PLCG1: variants seen among roughly 807,000 people sequenced by gnomAD.
The protein encoded by PLCG1 is 1-phosphatidylinositol 4,5-bisphosphate phosphodiesterase gamma-1.
A neutral mutation model predicts 177.8 loss-of-function variants in PLCG1; 71 were observed. That is an observed-to-expected ratio of 0.40 (90% CI 0.33 to 0.49). PLCG1 has a LOEUF of 0.49. Ranked by LOEUF, PLCG1 falls within the 20% of genes least tolerant of loss-of-function variation. The pLI, the probability that PLCG1 is intolerant of heterozygous loss-of-function variation, is 0.72. For synonymous variants in PLCG1, 658 were observed against 647.9 expected (o/e 1.02, Z -0.24); for missense variants, 1,281 against 1,709.0 (o/e 0.75, Z 4.42).
At position 41,163,498 on chromosome 20, in the gene PLCG1, C is replaced by T; in HGVS notation, c.891+19C>T. 6.4e-7 allele frequency: 1 copy of T among 1,567,732 alleles called. No individual in the cohort carries two copies. Among genetic ancestry groups the T allele is most frequent in the Non-Finnish European group, 8.8e-7 (1 of 1,140,324 alleles). On this transcript the variant is annotated intron_variant, in intron 9 of 31. Transcript: ENST00000685551. This position sits in a 1 kb window ranked among gnomAD's most constrained non-coding sequence, Gnocchi z 5.2. ...GGATGAGGTGAGCCCGATGTTTCAC[C>T]CATTTTTTGTCAAGAGAATGAGTAG...
Position 41,177,137 on chromosome 20 carries a change from G to A in PLCG1, c.*2628G>A, listed in dbSNP as rs2036086219. ...AAGTCAGTGGTACCAGAAGGTAGAT[G>A]GGCTCCCTTGCAGGCTCCTTGTTCT... On this transcript the variant is annotated 3_prime_UTR_variant, in exon 32 of 32. Transcript: ENST00000685551. The A allele has an allele frequency of 1.3e-5, 2 of 152,262 alleles. No individual in the cohort carries two copies. The allele number at this position is 152,262 out of a possible 1,614,324, so 9.4% of individuals were successfully genotyped here.
In PLCG1 at chr20:41,165,831, C is replaced by T. The variant is rs757228670; in HGVS notation, c.1799+5C>T. On this transcript the variant is annotated splice_donor_5th_base_variant and intron_variant, in intron 16 of 31. Transcript: ENST00000685551. This position sits in a 1 kb window ranked among gnomAD's most constrained non-coding sequence, Gnocchi z 6.6. ...CGACTACACGCTCTCTTTCTGGTAA[C>T]ACTTCCCATGCAGATGCGTATGTTC... 6.4e-7 allele frequency: 1 copy of T among 1,571,950 alleles called. No homozygotes were observed. The highest frequency in any genetic ancestry group is 1.2e-5 in the South Asian group (1 of 86,354).
rs2035365091 is a variant in PLCG1, at chr20:41,157,633, T to C, written c.218-1973T>C. 6.6e-6 allele frequency among the ~76,000 whole-genome samples: 1 copy of C among 152,108 alleles called. No homozygotes were observed. The highest frequency in any genetic ancestry group is 2.1e-4 in the South Asian group (1 of 4,822). ...GTGTTTGTATGCACGAGGCATCAAG[T>C]GTATTAGTACCACAGGAAGGAGCTT... On this transcript the variant is annotated intron_variant, in intron 1 of 31. Coordinates refer to ENST00000685551, the MANE Select transcript of PLCG1 (RefSeq NM_002660.3). This position sits in a 1 kb window ranked among gnomAD's most constrained non-coding sequence, Gnocchi z 5.4.
At chr20:41,169,330 T>C in intron 22 of PLCG1, 127 bp from the exon 23 acceptor site, 1 of 935,460 alleles carries the variant, frequency 1.1e-6, no homozygotes, top group South Asian at 1.4e-5. Flanking sequence ...TAGTCTCCCA[T>C]ATACCTGTGC....
intron 1 of PLCG1, among the ~76,000 whole-genome samples, chr20:41,158,049 C>CTGG (rs1169443522): frequency 6.6e-6 from 1 of 152,078 alleles, no homozygotes; most frequent in Non-Finnish European, 1.5e-5. Flanking sequence ...GGAGGACAGG[C>CTGG]TGGAGGGGTT....
Position 41,153,136 on chromosome 20 carries a change from T to C in PLCG1, c.218-6470T>C, listed in dbSNP as rs146117673. On this transcript the variant is annotated intron_variant, in intron 1 of 31. Coordinates refer to ENST00000685551, the MANE Select transcript of PLCG1 (RefSeq NM_002660.3). This position sits in a 1 kb window ranked among gnomAD's most constrained non-coding sequence, Gnocchi z 5.1. ...CTTCGCTTACCTCTTTCAAGCTCTT[T>C]AGATTTTAAAGAGACCTTTCATATT... Among the ~76,000 whole-genome samples, 1 of 152,322 alleles carries C rather than the reference T, an allele frequency of 6.6e-6. No individual in the cohort carries two copies. Among genetic ancestry groups the C allele is most frequent in the African/African-American group, 2.4e-5 (1 of 41,576 alleles).
chr20:41,166,355 C>T lies in PLCG1; in HGVS notation c.1961C>T (p.Ser654Leu). ...LRCNEFEMRLSEPVPQTNAHE... is the reference protein window; with the variant it reads ...LRCNEFEMRLLEPVPQTNAHE... ...TGTAATGAGTTTGAGATGCGACTTT[C>T]AGAGCCTGTCCCACAGACCAACGCC... Residue 654 changes from serine to leucine, a missense_variant, in exon 17 of 32, where the codon TCA (serine) becomes TTA (leucine). Coordinates refer to ENST00000685551, the MANE Select transcript of PLCG1 (RefSeq NM_002660.3). This position sits in a 1 kb window ranked among gnomAD's most constrained non-coding sequence, Gnocchi z 8.6. The T allele has an allele frequency of 1.2e-6, 2 of 1,614,162 alleles. No homozygotes were observed. Among genetic ancestry groups the T allele is most frequent in the South Asian group, 1.1e-5 (1 of 91,086 alleles).
rs1193848370 is a variant in PLCG1, at chr20:41,156,025, A to C, written c.218-3581A>C. Among the ~76,000 whole-genome samples, 5 of 152,190 alleles carry C rather than the reference A, an allele frequency of 3.3e-5. No homozygotes were observed. Among genetic ancestry groups the C allele is most frequent in the Admixed American group, 6.5e-5 (1 of 15,282 alleles). On this transcript the variant is annotated intron_variant, in intron 1 of 31. Coordinates refer to ENST00000685551, the MANE Select transcript of PLCG1 (RefSeq NM_002660.3). The surrounding 1 kb of genome is among the most constrained non-coding windows in gnomAD (Gnocchi z 5.0). ...CTCCATCAGGGCAGGGAGCAGAGCA[A>C]GGCCCCAGGATTCTGCCTGGGGCAC...
rs763832980 is a variant in PLCG1, at chr20:41,173,584, G to A, written c.3394+50G>A. 6.2e-7 allele frequency: 1 copy of A among 1,614,002 alleles called. No homozygotes were observed. Among genetic ancestry groups the A allele is most frequent in the Non-Finnish European group, 8.5e-7 (1 of 1,179,976 alleles). On this transcript the variant is annotated intron_variant, in intron 28 of 31. Coordinates refer to ENST00000685551, the MANE Select transcript of PLCG1 (RefSeq NM_002660.3). The surrounding 1 kb of genome is among the most constrained non-coding windows in gnomAD (Gnocchi z 6.2). ...TCCTCATCCTGCTGGGGCACTGCAA[G>A]CCTCTCCCCACCAGTCATCCCATCC...
Position 41,170,228 on chromosome 20 carries a change from G to C in PLCG1, c.2767G>C (p.Val923Leu). 6.2e-7 allele frequency: 1 copy of C among 1,614,112 alleles called. No homozygotes were observed. Among genetic ancestry groups the C allele is most frequent in the Non-Finnish European group, 8.5e-7 (1 of 1,180,002 alleles). ...CTCACAGGAGGAGCTGCAGGACTGG[G>C]TGAAAAAGATCCGTGAAGTGGCCCA... is the stretch of plus-strand genomic sequence containing the variant. ...ADSQEELQDW[V>L]KKIREVAQTA... Residue 923 changes from valine (V) to leucine (L), a missense_variant, in exon 24 of 32, where the codon GTG (valine) becomes CTG (leucine). Coordinates refer to ENST00000685551, the MANE Select transcript of PLCG1 (RefSeq NM_002660.3).
At position 41,146,455 on chromosome 20, in the gene PLCG1, G is replaced by A. The variant is rs748876624; in HGVS notation, c.217+8597G>A. ...TGTTGGGTAAAGCATCTGTACAAAGGCTGTGAGGGGCCTGGGCGCAAGGCA... is the reference window on the plus strand; with the variant it reads ...TGTTGGGTAAAGCATCTGTACAAAGACTGTGAGGGGCCTGGGCGCAAGGCA... On this transcript the variant is annotated intron_variant, in intron 1 of 31. Coordinates refer to ENST00000685551, the MANE Select transcript of PLCG1 (RefSeq NM_002660.3). This position sits in a 1 kb window ranked among gnomAD's most constrained non-coding sequence, Gnocchi z 6.3. 6.6e-6 allele frequency among the ~76,000 whole-genome samples: 1 copy of A among 152,212 alleles called. No individual in the cohort carries two copies. The highest frequency in any genetic ancestry group is 1.5e-5 in the Non-Finnish European group (1 of 68,038).
At chr20:41,158,422 T>C (rs1427531409) in intron 1 of PLCG1, among the ~76,000 whole-genome samples, 1 of 152,192 alleles carries the variant, frequency 6.6e-6, no homozygotes, top group Non-Finnish European at 1.5e-5. Context: ...TTTTTTCCTT[T>C]GACCTAATCT....
In PLCG1 at chr20:41,163,484, G is replaced by T; in HGVS notation, c.891+5G>T. 2 of 1,594,186 alleles carry T rather than the reference G, an allele frequency of 1.3e-6. No homozygotes were observed. Among genetic ancestry groups the T allele is most frequent in the East Asian group, 4.5e-5 (2 of 44,778 alleles). ...CCATACTTCTTCCTGGATGAGGTGA[G>T]CCCGATGTTTCACCCATTTTTTGTC... On this transcript the variant is annotated splice_donor_5th_base_variant and intron_variant, in intron 9 of 31. Transcript: ENST00000685551. The surrounding 1 kb of genome is among the most constrained non-coding windows in gnomAD (Gnocchi z 5.2).
Position 41,172,417 on chromosome 20 carries a change from CCAGAGATTGGCA to C in PLCG1, c.2907_2918del (p.Ile970_Glu973del). 6.2e-7 allele frequency: 1 copy of C among 1,613,534 alleles called. No homozygotes were observed. ...TCTGTAAGTGTTTTCCCTGTTTGGCCCAGAGATTGGCACAGAACGTGCTTGCTACCGGGACAT... is the reference window on the plus strand; with the variant it reads ...TCTGTAAGTGTTTTCCCTGTTTGGCCCAGAACGTGCTTGCTACCGGGACAT... On this transcript the variant is annotated splice_acceptor_variant and splice_polypyrimidine_tract_variant and coding_sequence_variant and intron_variant, in exon 26 of 32. Coordinates refer to ENST00000685551, the MANE Select transcript of PLCG1 (RefSeq NM_002660.3). LOFTEE classifies it high-confidence loss of function. The surrounding 1 kb of genome is among the most constrained non-coding windows in gnomAD (Gnocchi z 7.0).
At position 41,163,525 on chromosome 20, in the gene PLCG1, G is replaced by A. The variant is rs780535031; in HGVS notation, c.891+46G>A. ...ATTTTTTGTCAAGAGAATGAGTAGG[G>A]GTGACCAGGACCCCACCCGGGCTCC... is the stretch of plus-strand genomic sequence containing the variant. On this transcript the variant is annotated intron_variant, in intron 9 of 31. Coordinates refer to ENST00000685551, the MANE Select transcript of PLCG1 (RefSeq NM_002660.3). This position sits in a 1 kb window ranked among gnomAD's most constrained non-coding sequence, Gnocchi z 5.2. The A allele has an allele frequency of 5.0e-6, 7 of 1,408,308 alleles. No homozygotes were observed. The South Asian group carries it at 8.0e-5, about 16-fold the overall frequency. The allele number at this position is 1,408,308 out of a possible 1,614,324, so 87.2% of individuals were successfully genotyped here. A position where few individuals can be genotyped will look rare whatever the true frequency, so the allele number is the denominator to read the frequency against.
chr20:41,171,920 G>T (rs997260309), intron 24 of PLCG1, among the ~76,000 whole-genome samples: 59 of 152,218 alleles, frequency 3.9e-4, no homozygotes, highest in African/African-American at 1.4e-3. Context: ...GGGAACATGG[G>T]TGGTGATGAG....
rs2035584699 is a variant in PLCG1 at position 41,163,553 on chromosome 20, G to C, written c.891+74G>C. 1.7e-6 allele frequency: 2 copies of C among 1,198,076 alleles called. No individual in the cohort carries two copies. Among genetic ancestry groups the C allele is most frequent in the Non-Finnish European group, 2.5e-6 (2 of 806,620 alleles). 74.2% of individuals were successfully genotyped at this position (1,198,076 alleles called of 1,614,324 possible). On this transcript the variant is annotated intron_variant, in intron 9 of 31. Transcript: ENST00000685551. The surrounding 1 kb of genome is among the most constrained non-coding windows in gnomAD (Gnocchi z 5.2). ...GACCAGGACCCCACCCGGGCTCCAGGAGCTAGACGCTCCTTAGGGATGCCA... is the reference window on the plus strand; with the variant it reads ...GACCAGGACCCCACCCGGGCTCCAGCAGCTAGACGCTCCTTAGGGATGCCA...
chr20:41,160,250 C>G lies in PLCG1; in HGVS notation c.512+97C>G, dbSNP rs1427953847. The G allele has an allele frequency of 1.8e-6, 2 of 1,123,146 alleles. No homozygotes were observed. 69.6% of individuals were successfully genotyped at this position (1,123,146 alleles called of 1,614,324 possible). ...GTAGCTGCCCGGAGAGCCAGAGGAC[C>G]CAGGGGACCTTAAGTGGGGCCAGGA... is the stretch of plus-strand genomic sequence containing the variant. On this transcript the variant is annotated intron_variant, in intron 4 of 31. Coordinates refer to ENST00000685551, the MANE Select transcript of PLCG1 (RefSeq NM_002660.3). The surrounding 1 kb of genome is among the most constrained non-coding windows in gnomAD (Gnocchi z 5.5).
rs149572313 is a variant in PLCG1 at position 41,158,220 on chromosome 20, C to T, written c.218-1386C>T. Among the ~76,000 whole-genome samples the T allele has an allele frequency of 4.2e-3, 631 of 152,042 alleles. 7 individuals are homozygous for T. The highest frequency in any genetic ancestry group is 0.022 in the East Asian group (113 of 5,176). ...AAGAGAGCATCTGGGGGAGTTGGGCCGTTAGGACATTCCAGGCAGGTTGGT... is the reference window on the plus strand; with the variant it reads ...AAGAGAGCATCTGGGGGAGTTGGGCTGTTAGGACATTCCAGGCAGGTTGGT... On this transcript the variant is annotated intron_variant, in intron 1 of 31. Coordinates refer to ENST00000685551, the MANE Select transcript of PLCG1 (RefSeq NM_002660.3).
Sources: gnomAD v4.1 joint callset for allele counts (sites outside exome capture counted in the v4.1 genomes callset) on GRCh38, gnomAD v4.1.1 for gene constraint, Gnocchi (gnomAD v3.1) non-coding constraint, MANE v1.5 for transcripts, NCBI Gene and HGNC (gene_info 2026-07-23, HGNC 2026-07-21) for gene names.